MOV10L1: variants seen among roughly 807,000 people sequenced by gnomAD.
MOV10L1 encodes RNA helicase Mov10l1.
Under a neutral mutation model 143.8 loss-of-function variants are expected in MOV10L1, and 110 were observed. The observed-to-expected ratio is 0.76, with a 90% CI of 0.66 to 0.90. MOV10L1 has a LOEUF of 0.90. Ranked by LOEUF, MOV10L1 falls within the 40% of genes least tolerant of loss-of-function variation. MOV10L1 has a pLI of 0.00. For synonymous variants in MOV10L1, 593 were observed against 581.1 expected, an observed-to-expected ratio of 1.02 and a Z score of -0.29; for missense variants, 1,406 against 1,526.8, an observed-to-expected ratio of 0.92 and a Z score of 1.32.
chr22:50,137,772 A>T (rs889771726), intron 15 of MOV10L1, among the ~76,000 whole-genome samples: 3 of 98,708 alleles, frequency 3.0e-5, no homozygotes, highest in Admixed American at 1.4e-4. Flanking sequence ...TACATATTTT[A>T]TATATATACA....
chr22:50,109,544 A>C (rs2061964098), intron 5 of MOV10L1: 1 of 152,718 alleles, frequency 6.5e-6, no homozygotes, highest in Non-Finnish European at 1.5e-5. Context: ...GGTGACGGGC[A>C]CCTGTAGTCC....
intron 15 of MOV10L1, among the ~76,000 whole-genome samples, chr22:50,139,536 ACT>A (rs1462303091): frequency 1.3e-5 from 2 of 150,842 alleles, no homozygotes; most frequent in Non-Finnish European, 2.9e-5. Flanking sequence ...ACATAGAAAA[ACT>A]CTGTCTCAAA....
chr22:50,098,774 C>T (rs1216091634), intron 2 of MOV10L1, among the ~76,000 whole-genome samples: 1 of 152,184 alleles, frequency 6.6e-6, no homozygotes, highest in African/African-American at 2.4e-5. Context: ...AGCTTTCGGC[C>T]TTTCACCATT....
chr22:50,109,847 AT>A (rs376650986), intron 5 of MOV10L1, among the ~76,000 whole-genome samples: 10 of 151,112 alleles, frequency 6.6e-5, no homozygotes, highest in Admixed American at 2.0e-4. Flanking sequence ...GTCTTAAAAA[AT>A]AAAAAGAGAA....
At chr22:50,134,458 T>C in intron 14 of MOV10L1, 72 bp from the exon 15 acceptor site, 2 of 1,279,948 alleles carry the variant, frequency 1.6e-6, no homozygotes, top group East Asian at 4.7e-5. Flanking sequence ...GGGTCAGCCA[T>C]AAACAACCTC....
intron 13 of MOV10L1, among the ~76,000 whole-genome samples, chr22:50,132,770 C>A (rs1282327246): frequency 6.6e-6 from 1 of 152,138 alleles, no homozygotes; most frequent in Non-Finnish European, 1.5e-5. Context: ...TGTGGTGGTT[C>A]ACACCTGTAA....
chr22:50,113,606 GTGC>G (rs930718545), intron 5 of MOV10L1, 39 bp from the exon 6 acceptor site: 1 of 1,602,766 alleles, frequency 6.2e-7, no homozygotes, highest in Non-Finnish European at 8.5e-7. Context: ...GGAAGGGGTG[GTGC>G]TGCTGCAGAG....
At chr22:50,102,114 A>G (rs2061760312) in intron 3 of MOV10L1, among the ~76,000 whole-genome samples, 1 of 152,226 alleles carries the variant, frequency 6.6e-6, no homozygotes, top group South Asian at 2.1e-4. Flanking sequence ...ATTTCCCAGT[A>G]TAAAAAACCT....
chr22:50,091,940 G>T (rs1602097874), intron 1 of MOV10L1, 61 bp from the exon 2 acceptor site: 1 of 1,517,768 alleles, frequency 6.6e-7, no homozygotes, highest in East Asian at 2.3e-5. Context: ...CTCTGGTGGG[G>T]TTCACTGTAG....
intron 22 of MOV10L1, 131 bp from the exon 23 acceptor site, chr22:50,157,926 T>C: frequency 9.0e-7 from 1 of 1,109,396 alleles, no homozygotes; most frequent in East Asian, 2.5e-5. Flanking sequence ...CACATGTAAG[T>C]TCTGCACGAG....
At chr22:50,133,088 T>C (rs1385962164) in intron 13 of MOV10L1, among the ~76,000 whole-genome samples, 1 of 151,398 alleles carries the variant, frequency 6.6e-6, no homozygotes, top group Admixed American at 6.6e-5. Context: ...TTGGATGCTG[T>C]GTATTTGTTT....
intron 15 of MOV10L1, 145 bp from the exon 16 acceptor site, chr22:50,141,936 C>A: frequency 2.3e-6 from 1 of 429,576 alleles, no homozygotes; most frequent in Non-Finnish European, 3.9e-6. Flanking sequence ...CTTTATTTTT[C>A]AAAGGGTCTG....
At chr22:50,123,302 A>T (rs1215928078) in intron 10 of MOV10L1, among the ~76,000 whole-genome samples, 1 of 152,090 alleles carries the variant, frequency 6.6e-6, no homozygotes, top group Non-Finnish European at 1.5e-5. Flanking sequence ...TTGATTTTCA[A>T]ATGTTGAACT....
intron 22 of MOV10L1, among the ~76,000 whole-genome samples, chr22:50,156,535 G>T (rs1430868247): frequency 1.3e-5 from 2 of 152,182 alleles, no homozygotes; most frequent in Admixed American, 6.5e-5. Context: ...TTTCTTCCCT[G>T]CAGTGCCTAG....
chr22:50,126,641 G>A (rs751790595), intron 12 of MOV10L1, among the ~76,000 whole-genome samples: 1 of 152,194 alleles, frequency 6.6e-6, no homozygotes, highest in Admixed American at 6.5e-5. Flanking sequence ...TTGGCTTTGA[G>A]TAGATCCTGG....
Position 50,128,429 on chromosome 22 carries a change from A to C in MOV10L1, c.1832A>C (p.Asp611Ala), listed in dbSNP as rs764334184. ...ISYVTEIHEE[D>A]VTLKINPEFE... is the part of the protein sequence containing the mutation. ...TTCCTTTTTTAGATTCATGAAGAAG[A>C]TGTAACTCTTAAAATTAATCCAGAA... Residue 611 changes from aspartate to alanine, a missense_variant, in exon 13 of 27, where the codon GAT becomes GCT. Transcript: ENST00000262794. The C allele has an allele frequency of 5.3e-6, 8 of 1,511,386 alleles. No individual in the cohort carries two copies. Among genetic ancestry groups the C allele is most frequent in the Non-Finnish European group, 7.3e-6 (8 of 1,096,178 alleles). The allele number at this position is 1,511,386 out of a possible 1,614,324, so 93.6% of individuals were successfully genotyped here.
chr22:50,155,469 G>A (rs986593185), intron 22 of MOV10L1, among the ~76,000 whole-genome samples: 3 of 151,474 alleles, frequency 2.0e-5, no homozygotes, highest in Non-Finnish European at 4.4e-5. Context: ...GACTTTTTGG[G>A]GTTTTTGTTT....
rs551372386 is a variant in MOV10L1 at position 50,153,608 on chromosome 22, C to G, written c.3066+390C>G. Among the ~76,000 whole-genome samples the G allele has an allele frequency of 3.1e-3, 474 of 152,252 alleles. 2 individuals are homozygous for G. The highest frequency in any genetic ancestry group is 0.011 in the African/African-American group (448 of 41,542). On this transcript the variant is annotated intron_variant, in intron 22 of 26. Coordinates refer to ENST00000262794, the MANE Select transcript of MOV10L1 (RefSeq NM_018995.3). ...ACCGCCTCCCTCCCGGTGCTTCCCTCGAGGGTTGGAGCTGTCAGGAGAGAG... is the reference window on the plus strand; with the variant it reads ...ACCGCCTCCCTCCCGGTGCTTCCCTGGAGGGTTGGAGCTGTCAGGAGAGAG...
chr22:50,123,679 CAG>C (rs1299383852), intron 10 of MOV10L1, among the ~76,000 whole-genome samples: 1 of 152,206 alleles, frequency 6.6e-6, no homozygotes, highest in Non-Finnish European at 1.5e-5. Context: ...AAGAATAAGT[CAG>C]AGAGTATTCC....
Sources: gnomAD v4.1 joint callset for allele counts (sites outside exome capture counted in the v4.1 genomes callset) on GRCh38, gnomAD v4.1.1 for gene constraint, MANE v1.5 for transcripts, NCBI Gene and HGNC (gene_info 2026-07-23, HGNC 2026-07-21) for gene names.